The following E2F3 variants were observed in gnomAD, a reference collection of about 807,000 sequenced individuals.
E2F3 encodes the protein transcription factor E2F3.
In E2F3, 11 loss-of-function variants were observed where a neutral mutation model predicts 44.4. The observed-to-expected ratio is 0.25, with a 90% CI of 0.16 to 0.41. The LOEUF (loss-of-function observed/expected upper bound fraction) is 0.41. Among genes scored for constraint, E2F3 ranks in the 10% least tolerant of loss-of-function variants. E2F3 has a pLI of 1.00. For missense variants in E2F3, 487 were observed against 583.6 expected, an observed-to-expected ratio of 0.83 and a Z score of 1.70; for synonymous variants, 249 against 253.0, an observed-to-expected ratio of 0.98 and a Z score of 0.15.
At chr6:20,419,562 C>G (rs983772547) in intron 1 of E2F3, among the ~76,000 whole-genome samples, 2 of 151,418 alleles carry the variant, frequency 1.3e-5, no homozygotes, top group African/African-American at 2.4e-5. Context: ...TATTTACTTA[C>G]TTACTTACTT....
At chr6:20,447,939 G>A (rs976239491) in intron 1 of E2F3, among the ~76,000 whole-genome samples, 1 of 152,162 alleles carries the variant, frequency 6.6e-6, no homozygotes, top group Non-Finnish European at 1.5e-5. Flanking sequence ...CTTGCCCAAG[G>A]TCACACAGTG....
chr6:20,464,052 A>T (rs1052640718), intron 1 of E2F3, among the ~76,000 whole-genome samples: 2 of 152,228 alleles, frequency 1.3e-5, no homozygotes, highest in Non-Finnish European at 2.9e-5. Flanking sequence ...AGGGCGAGGT[A>T]TGGGGGCAGG....
chr6:20,488,860 G>A (rs1412878842), intron 6 of E2F3, among the ~76,000 whole-genome samples: 1 of 152,088 alleles, frequency 6.6e-6, no homozygotes, highest in African/African-American at 2.4e-5. Flanking sequence ...TGTGCGTGGT[G>A]GCACGTGCCT....
At chr6:20,408,356 A>AT (rs1759558748) in intron 1 of E2F3, among the ~76,000 whole-genome samples, 1 of 152,236 alleles carries the variant, frequency 6.6e-6, no homozygotes, top group African/African-American at 2.4e-5. Context: ...GAGGGATAAC[A>AT]TACCGAGTTT....
intron 1 of E2F3, among the ~76,000 whole-genome samples, chr6:20,462,574 C>A (rs1295137830): frequency 1.3e-5 from 2 of 151,916 alleles, no homozygotes; most frequent in African/African-American, 4.8e-5. Flanking sequence ...TCTCCCACCT[C>A]AGCCTCCTAA....
At position 20,425,319 on chromosome 6, in the gene E2F3, A is replaced by T. The variant is rs570877775; in HGVS notation, c.393+22694A>T. Among the ~76,000 whole-genome samples the T allele has an allele frequency of 2.0e-5, 3 of 152,024 alleles. No homozygotes were observed. In the East Asian group the frequency reaches 5.8e-4, roughly 29 times the overall value. On this transcript the variant is annotated intron_variant, in intron 1 of 6. Transcript: ENST00000346618. ...TGGAATACAAAGGTGAGGAATACAC[A>T]GCCCTGGACATTCAGAATGGGGCAG...
intron 1 of E2F3, among the ~76,000 whole-genome samples, chr6:20,430,229 T>A (rs1760354466): frequency 1.3e-5 from 2 of 152,182 alleles, no homozygotes; most frequent in Non-Finnish European, 2.9e-5. Flanking sequence ...CATGCAATAT[T>A]GGGGATATAG....
chr6:20,417,398 A>T (rs534683637), intron 1 of E2F3, among the ~76,000 whole-genome samples: 2 of 152,344 alleles, frequency 1.3e-5, no homozygotes, highest in East Asian at 1.9e-4. Flanking sequence ...TTTGGATTAC[A>T]TACAGTCTGA....
chr6:20,402,080 G>C lies in E2F3; in HGVS notation c.-153G>C, dbSNP rs1759321092. On this transcript the variant is annotated 5_prime_UTR_variant, in exon 1 of 7. Coordinates refer to ENST00000346618, the MANE Select transcript of E2F3 (RefSeq NM_001949.5). The surrounding 1 kb of genome is among the most constrained non-coding windows in gnomAD (Gnocchi z 5.6). ...TGGCCCCCGGGGCCTGTGCGGTGCG[G>C]AAAAATAAAAAGAAAAGAGAGAGAG... 7.4e-7 allele frequency: 1 copy of C among 1,345,420 alleles called. No homozygotes were observed. The allele number at this position is 1,345,420 out of a possible 1,614,324, so 83.3% of individuals were successfully genotyped here. A position where few individuals can be genotyped will look rare whatever the true frequency, so the allele number is the denominator to read the frequency against.
In E2F3 at chr6:20,491,087, A is replaced by ATTTGACTG. The variant is rs1762540950; in HGVS notation, c.*657_*658insTTTGACTG. On this transcript the variant is annotated 3_prime_UTR_variant, in exon 7 of 7. Coordinates refer to ENST00000346618, the MANE Select transcript of E2F3 (RefSeq NM_001949.5). The stretch of plus-strand genomic sequence containing the variant: ...GTTTTCAAATATACTTGTTGCAGAT[A>ATTTGACTG]CAGAAGACTAGTAGAGTTCTGCCAC... 1 of 230,850 alleles carries ATTTGACTG rather than the reference A, an allele frequency of 4.3e-6. No individual in the cohort carries two copies. Among genetic ancestry groups the ATTTGACTG allele is most frequent in the Non-Finnish European group, 8.6e-6 (1 of 116,286 alleles). The allele number at this position is 230,850 out of a possible 1,614,324, so 14.3% of individuals were successfully genotyped here.
chr6:20,403,946 G>A, intron 1 of E2F3: 1 of 580,100 alleles, frequency 1.7e-6, no homozygotes, highest in Non-Finnish European at 2.9e-6. Context: ...GGGAACGGGG[G>A]GTTGGGTGCT....
chr6:20,489,395 C>A (rs937511865), intron 6 of E2F3, among the ~76,000 whole-genome samples: 2 of 152,054 alleles, frequency 1.3e-5, no homozygotes, highest in East Asian at 1.9e-4. Context: ...CCCAGGAGTT[C>A]GAGGTTAGAG....
At chr6:20,485,905 A>G (rs936948320) in intron 4 of E2F3, among the ~76,000 whole-genome samples, 2 of 152,114 alleles carry the variant, frequency 1.3e-5, no homozygotes, top group African/African-American at 4.8e-5. Flanking sequence ...GGCTGCTGAC[A>G]CTTGCTTGTA....
At chr6:20,403,764 C>A in intron 1 of E2F3, 1 of 1,493,898 alleles carries the variant, frequency 6.7e-7, no homozygotes, top group South Asian at 1.2e-5. Flanking sequence ...CCTCCGGGCC[C>A]CCTCTCCAGC....
intron 4 of E2F3, among the ~76,000 whole-genome samples, chr6:20,485,528 G>A (rs1762364020): frequency 6.6e-6 from 1 of 152,198 alleles, no homozygotes; most frequent in South Asian, 2.1e-4. Flanking sequence ...GCAGTGAGCT[G>A]AGATTGGGCC....
chr6:20,421,014 C>T (rs921179549), intron 1 of E2F3, among the ~76,000 whole-genome samples: 3 of 152,104 alleles, frequency 2.0e-5, no homozygotes, highest in African/African-American at 7.2e-5. Flanking sequence ...ACATTGTTCA[C>T]AGTCATCTTC....
rs182613136 is a variant in E2F3 at position 20,459,450 on chromosome 6, T to C, written c.394-20396T>C. 8.5e-5 allele frequency among the ~76,000 whole-genome samples: 13 copies of C among 152,342 alleles called. No homozygotes were observed. The East Asian group carries it at 2.1e-3, about 25-fold the overall frequency. On this transcript the variant is annotated intron_variant, in intron 1 of 6. Coordinates refer to ENST00000346618, the MANE Select transcript of E2F3 (RefSeq NM_001949.5). ...AAGAGCCTGTTCTGAAACCTCCCGT[T>C]ACCACTATATTATGTTTAAAAAGTA... is the stretch of plus-strand genomic sequence containing the variant.
At chr6:20,449,247 C>T (rs149763315) in intron 1 of E2F3, among the ~76,000 whole-genome samples, 30 of 152,284 alleles carry the variant, frequency 2.0e-4, no homozygotes, top group Non-Finnish European at 3.7e-4. Context: ...GAAAATCTTG[C>T]TGTGCAGCCT....
At chr6:20,477,175 C>T (rs1481763564) in intron 1 of E2F3, among the ~76,000 whole-genome samples, 1 of 151,916 alleles carries the variant, frequency 6.6e-6, no homozygotes, top group Non-Finnish European at 1.5e-5. Flanking sequence ...GGTCTTGCTA[C>T]GTTGATCAGG....
Sources: gnomAD v4.1 joint callset for allele counts (sites outside exome capture counted in the v4.1 genomes callset) on GRCh38, gnomAD v4.1.1 for gene constraint, Gnocchi (gnomAD v3.1) non-coding constraint, MANE v1.5 for transcripts, NCBI Gene and HGNC (gene_info 2026-07-23, HGNC 2026-07-21) for gene names.